The following LINGO1 variants were observed in gnomAD, a reference collection of about 807,000 sequenced individuals.
LINGO1 encodes the protein leucine rich repeat and Ig domain containing 1, also known as leucine-rich repeat and immunoglobulin-like domain-containing nogo receptor-interacting protein 1.
In LINGO1, 11 loss-of-function variants were observed where a neutral mutation model predicts 37.3. The observed-to-expected ratio is 0.29, with a 90% CI of 0.19 to 0.49. LINGO1 has a LOEUF of 0.49. LINGO1 is among the 20% of genes least tolerant of loss of function. The pLI is 0.99. For synonymous variants in LINGO1, 387 were observed against 403.0 expected (o/e 0.96, Z 0.48); for missense variants, 585 against 878.2 (o/e 0.67, Z 4.22).
In LINGO1 at chr15:77,713,630, C is replaced by T. The variant is rs187724217; in HGVS notation, c.-195+21362G>A. Among the ~76,000 whole-genome samples the T allele has an allele frequency of 2.2e-4, 34 of 151,962 alleles. 1 individual carries two copies. Among genetic ancestry groups the T allele is most frequent in the African/African-American group, 5.8e-4 (24 of 41,388 alleles). ...ATATAAACACTTACATACACACACG[C>T]GCACACACACACGAGTGTATGTATA... On this transcript the variant is annotated intron_variant, in intron 2 of 3. Transcript: ENST00000561686.
chr15:77,816,694 C>T (rs1216479305), intron 1 of LINGO1, among the ~76,000 whole-genome samples: 4 of 152,036 alleles, frequency 2.6e-5, no homozygotes, highest in East Asian at 1.9e-4. Flanking sequence ...TTTTCATCCC[C>T]GGCAGAATAG....
Position 77,704,419 on chromosome 15 carries a change from C to T in LINGO1, c.-194-13518G>A, listed in dbSNP as rs2075823072. Among the ~76,000 whole-genome samples the T allele has an allele frequency of 1.5e-4, 22 of 150,332 alleles. 1 individual carries two copies. Among genetic ancestry groups the T allele is most frequent in the African/African-American group, 5.5e-4 (22 of 39,988 alleles). On this transcript the variant is annotated intron_variant, in intron 2 of 3. Coordinates refer to the LINGO1 transcript ENST00000561686. Reference sequence around the variant, plus strand: ...ATCACAGATTGAACCCCAACCCTGGCCACACACTGAATCCCGACCCTGGTC... The same window carrying T: ...ATCACAGATTGAACCCCAACCCTGGTCACACACTGAATCCCGACCCTGGTC...
chr15:77,818,629 AT>A (rs2077068219), intron 1 of LINGO1, among the ~76,000 whole-genome samples: 2 of 152,026 alleles, frequency 1.3e-5, no homozygotes. Flanking sequence ...GGACACACAC[AT>A]ACACGCCCGG....
At chr15:77,703,647 C>A (rs1471976594) in intron 2 of LINGO1, among the ~76,000 whole-genome samples, 3 of 152,124 alleles carry the variant, frequency 2.0e-5, no homozygotes, top group Admixed American at 2.0e-4. Flanking sequence ...AATCCAGGAC[C>A]ACAATGCTCA....
intron 3 of LINGO1, among the ~76,000 whole-genome samples, chr15:77,653,343 C>G (rs2074801484): frequency 6.6e-6 from 1 of 152,204 alleles, no homozygotes; most frequent in African/African-American, 2.4e-5. Flanking sequence ...TAGGGCAGAC[C>G]TGTGGCCTCC....
intron 1 of LINGO1, among the ~76,000 whole-genome samples, chr15:77,623,744 C>CTGAGG (rs1269706658): frequency 2.1e-4 from 30 of 144,448 alleles, no homozygotes; most frequent in African/African-American, 6.9e-4. Context: ...TGGAAGAAAA[C>CTGAGG]TGAGGTCATG....
At chr15:77,722,003 C>T (rs547777586) in intron 2 of LINGO1, among the ~76,000 whole-genome samples, 5 of 152,296 alleles carry the variant, frequency 3.3e-5, no homozygotes, top group African/African-American at 1.2e-4. Flanking sequence ...TCCGAGGCTG[C>T]CTGGTGGGGG....
chr15:77,664,168 T>TGCGCGCGC lies in LINGO1; in HGVS notation c.-13+12920_-13+12921insGCGCGCGC, dbSNP rs1459404193. On this transcript the variant is annotated intron_variant, in intron 3 of 3. Coordinates refer to the LINGO1 transcript ENST00000559893. Reference sequence around the variant, plus strand: ...GTGTGTGTGTGTGTGTGTGTGTGTGTGTGCGCGCGCGCATGCGTTTGCATT... The same window carrying TGCGCGCGC: ...GTGTGTGTGTGTGTGTGTGTGTGTGTGCGCGCGCGTGCGCGCGCGCATGCGTTTGCATT... Among the ~76,000 whole-genome samples the TGCGCGCGC allele has an allele frequency of 6.4e-3, 775 of 120,292 alleles. 1 individual carries two copies. Among genetic ancestry groups the TGCGCGCGC allele is most frequent in the Admixed American group, 7.2e-3 (97 of 13,440 alleles). The allele number at this position is 120,292 out of a possible 152,430, so 78.9% of individuals were successfully genotyped here.
rs180868065 is a variant in LINGO1, at chr15:77,806,362, A to C, written c.-457-10309T>G. ...CCCCACATTCTCTGCAAACAGGAAG[A>C]AGCACAGGGCTCAGGAGGAGAGGCG... On this transcript the variant is annotated intron_variant, in intron 1 of 5. Coordinates refer to the LINGO1 transcript ENST00000562933. Among the ~76,000 whole-genome samples, 11 of 152,302 alleles carry C rather than the reference A, an allele frequency of 7.2e-5. 1 individual carries two copies. The highest frequency in any genetic ancestry group is 7.2e-4 in the Admixed American group (11 of 15,308).
chr15:77,815,071 C>A (rs1235332900), intron 1 of LINGO1, among the ~76,000 whole-genome samples: 2 of 152,266 alleles, frequency 1.3e-5, no homozygotes, highest in Non-Finnish European at 2.9e-5. Context: ...TCCAAACCAA[C>A]CTGGACACCG....
chr15:77,649,691 G>A (rs1323795117), intron 3 of LINGO1, among the ~76,000 whole-genome samples: 3 of 152,100 alleles, frequency 2.0e-5, no homozygotes, highest in South Asian at 2.1e-4. Context: ...TAGAAACCAA[G>A]GGAACCCAGA....
At chr15:77,750,114 G>A in intron 1 of LINGO1, among the ~76,000 whole-genome samples, 1 of 151,950 alleles carries the variant, frequency 6.6e-6, no homozygotes, top group East Asian at 1.9e-4. Flanking sequence ...CCTGGAGTCA[G>A]AGCAGGGGCC....
At position 77,673,262 on chromosome 15, in the gene LINGO1, A is replaced by T. The variant is rs114875178; in HGVS notation, c.-13+3827T>A. Among the ~76,000 whole-genome samples the T allele has an allele frequency of 5.2e-3, 787 of 152,352 alleles. 7 individuals are homozygous for T. Among genetic ancestry groups the T allele is most frequent in the African/African-American group, 0.018 (758 of 41,572 alleles). ...ATAGACTTGAACACAGGACAATCTA[A>T]AACTTTTAAGGGGTTAAATACATCC... On this transcript the variant is annotated intron_variant, in intron 3 of 3. Transcript: ENST00000559893.
chr15:77,756,422 C>T (rs1018515767), intron 1 of LINGO1, among the ~76,000 whole-genome samples: 4 of 152,138 alleles, frequency 2.6e-5, no homozygotes, highest in African/African-American at 9.7e-5. Flanking sequence ...CACAATGACA[C>T]ACACTCACAA....
At chr15:77,723,834 G>A (rs1046060104) in intron 2 of LINGO1, among the ~76,000 whole-genome samples, 2 of 152,220 alleles carry the variant, frequency 1.3e-5, no homozygotes, top group African/African-American at 2.4e-5. Context: ...TGGGGGAGGG[G>A]GCAACAGTTC....
intron 1 of LINGO1, among the ~76,000 whole-genome samples, chr15:77,743,225 C>T (rs1233240687): frequency 6.6e-6 from 1 of 152,182 alleles, no homozygotes; most frequent in African/African-American, 2.4e-5. Flanking sequence ...CTCCTCCCTC[C>T]ATCCACCTAT....
intron 2 of LINGO1, among the ~76,000 whole-genome samples, chr15:77,712,831 A>G (rs938811864): frequency 6.6e-6 from 1 of 152,138 alleles, no homozygotes; most frequent in Non-Finnish European, 1.5e-5. Context: ...CGCTGCTGTT[A>G]AAGGTTAATG....
chr15:77,751,943 C>T (rs1236696464), intron 1 of LINGO1, among the ~76,000 whole-genome samples: 2 of 152,220 alleles, frequency 1.3e-5, no homozygotes. Flanking sequence ...TCCATCATCT[C>T]ACCAAGCCCA....
At chr15:77,656,353 C>G (rs2074865412) in intron 3 of LINGO1, among the ~76,000 whole-genome samples, 1 of 152,206 alleles carries the variant, frequency 6.6e-6, no homozygotes, top group African/African-American at 2.4e-5. Flanking sequence ...TTTTCCACCC[C>G]CTTCCTCTGC....
Sources: allele counts gnomAD v4.1 joint callset (sites outside exome capture counted in the v4.1 genomes callset), GRCh38; gene constraint gnomAD v4.1.1; transcripts MANE v1.5; gene names NCBI Gene and HGNC (gene_info 2026-07-23, HGNC 2026-07-21).